EFHC2: variants seen among roughly 807,000 people sequenced by gnomAD.
EFHC2 encodes the protein EF-hand domain containing 2, also known as EF-hand domain-containing family member C2.
A neutral mutation model predicts 52.7 loss-of-function variants in EFHC2; 18 were observed. The ratio of observed to expected loss-of-function variants is 0.34; its 90% CI spans 0.24 to 0.51. The LOEUF is 0.51. Among genes scored for constraint, EFHC2 ranks in the 20% least tolerant of loss-of-function variants. EFHC2 has a pLI of 0.97. For missense variants in EFHC2, 513 were observed against 562.5 expected (o/e 0.91, Z 0.89); for synonymous variants, 203 against 204.1 (o/e 0.99, Z 0.04).
rs753553563 is a variant in EFHC2, at chrX:44,261,141, T to A, written c.540A>T (p.Lys180Asn). 8 of 1,209,911 alleles carry A rather than the reference T, an allele frequency of 6.6e-6. No individual in the cohort carries two copies. The highest frequency in any genetic ancestry group is 7.8e-6 in the Non-Finnish European group (7 of 895,158). ...CDAFTRNFLR[K>N]IGVKVNPPVQ... The stretch of plus-strand genomic sequence containing the variant: ...CTGGGGGATTCACTTTGACCCCTAT[T>A]TTCCTCAAAAAGTTTCTTGTGAATG... Residue 180 changes from lysine to asparagine, a missense_variant, in exon 4 of 15, where the codon AAA (lysine) becomes AAT (asparagine). Coordinates refer to ENST00000420999, the MANE Select transcript of EFHC2 (RefSeq NM_025184.4).
chrX:44,296,911 T>G (rs2037829731), intron 2 of EFHC2, among the ~76,000 whole-genome samples: 1 of 111,944 alleles, frequency 8.9e-6, no homozygotes, highest in African/African-American at 3.2e-5. Context: ...ATCTCCAAAT[T>G]TATTCTTCTG....
At chrX:44,258,714 G>C (rs7057510) in intron 4 of EFHC2, among the ~76,000 whole-genome samples, 14,418 of 109,628 alleles carry the variant, frequency 0.13, 951 homozygotes, top group Admixed American at 0.25. Context: ...AAAATTAGCC[G>C]GGTGTGGTGG....
chrX:44,172,215 GA>G (rs1275346024), intron 13 of EFHC2, among the ~76,000 whole-genome samples: 1 of 112,109 alleles, frequency 8.9e-6, no homozygotes, highest in Non-Finnish European at 1.9e-5. Flanking sequence ...AGCTGCTGGG[GA>G]AAGAGTTGCA....
At chrX:44,330,592 C>G (rs186054491) in intron 1 of EFHC2, among the ~76,000 whole-genome samples, 95 of 111,576 alleles carry the variant, frequency 8.5e-4, no homozygotes, top group African/African-American at 2.8e-3. Flanking sequence ...GTCACTTGAA[C>G]CTGGGAGGCA....
chrX:44,162,758 C>A, intron 14 of EFHC2, among the ~76,000 whole-genome samples: 1 of 110,473 alleles, frequency 9.1e-6, no homozygotes, highest in Non-Finnish European at 1.9e-5. Flanking sequence ...CCTGAAAATA[C>A]TTCCTGTTCC....
chrX:44,151,312 T>C (rs1385026516), intron 14 of EFHC2, among the ~76,000 whole-genome samples: 1 of 112,022 alleles, frequency 8.9e-6, no homozygotes, highest in Admixed American at 9.5e-5. Flanking sequence ...CAGTGTCTGT[T>C]ATTAGTTTCC....
At chrX:44,326,717 A>ATTTT (rs773265380) in intron 1 of EFHC2, among the ~76,000 whole-genome samples, 3 of 45,053 alleles carry the variant, frequency 6.7e-5, no homozygotes, top group Admixed American at 3.2e-4. Flanking sequence ...ATGGAGTCTG[A>ATTTT]TTTTTTTTTT....
At chrX:44,270,279 T>C (rs756827185) in intron 3 of EFHC2, among the ~76,000 whole-genome samples, 2 of 111,822 alleles carry the variant, frequency 1.8e-5, no homozygotes, top group African/African-American at 6.5e-5. Context: ...AATGAAGCCA[T>C]GCTCTAAGAA....
At chrX:44,302,843 G>T (rs1419713153) in intron 2 of EFHC2, among the ~76,000 whole-genome samples, 1 of 111,761 alleles carries the variant, frequency 8.9e-6, no homozygotes, top group Non-Finnish European at 1.9e-5. Context: ...GAAATTTCGG[G>T]TATGGTTTAA....
intron 13 of EFHC2, among the ~76,000 whole-genome samples, chrX:44,175,008 T>G (rs761706565): frequency 9.0e-6 from 1 of 111,727 alleles, no homozygotes; most frequent in East Asian, 2.8e-4. Flanking sequence ...GACATAGAAT[T>G]TGGCTTTATC....
At chrX:44,150,757 A>G (rs1258694166) in intron 14 of EFHC2, among the ~76,000 whole-genome samples, 1 of 111,475 alleles carries the variant, frequency 9.0e-6, no homozygotes, top group Non-Finnish European at 1.9e-5. Context: ...ATCAACTTGA[A>G]ATGGTGACAA....
intron 13 of EFHC2, among the ~76,000 whole-genome samples, chrX:44,170,924 A>G (rs1044813909): frequency 8.9e-6 from 1 of 112,617 alleles, no homozygotes; most frequent in African/African-American, 3.2e-5. Flanking sequence ...AAAGGGCAGC[A>G]CTAATTCTGG....
At chrX:44,243,578 T>C (rs1404923579) in intron 7 of EFHC2, among the ~76,000 whole-genome samples, 2 of 112,181 alleles carry the variant, frequency 1.8e-5, no homozygotes, top group Non-Finnish European at 3.8e-5. Flanking sequence ...CTAACTCTTG[T>C]TGAAAACATT....
intron 2 of EFHC2, among the ~76,000 whole-genome samples, chrX:44,273,377 A>T: frequency 8.9e-6 from 1 of 112,164 alleles, no homozygotes; most frequent in Middle Eastern, 4.6e-3. Context: ...AGCCTAGCCC[A>T]ATGCTAGACT....
chrX:44,172,158 C>T (rs1278905556), intron 13 of EFHC2, among the ~76,000 whole-genome samples: 1 of 112,184 alleles, frequency 8.9e-6, no homozygotes, highest in Non-Finnish European at 1.9e-5. Context: ...AGTTCTAAGG[C>T]ATTCCATGGA....
intron 4 of EFHC2, among the ~76,000 whole-genome samples, chrX:44,252,679 C>T (rs2037460379): frequency 8.9e-6 from 1 of 112,002 alleles, no homozygotes; most frequent in Non-Finnish European, 1.9e-5. Flanking sequence ...CTCCTAATTT[C>T]CCAAAGATTA....
At chrX:44,299,806 G>C (rs1191758891) in intron 2 of EFHC2, among the ~76,000 whole-genome samples, 1 of 111,656 alleles carries the variant, frequency 9.0e-6, no homozygotes, top group African/African-American at 3.3e-5. Flanking sequence ...GTTTTACCAT[G>C]TTGCAGAAGG....
chrX:44,149,703 G>A (rs780040475), intron 14 of EFHC2, among the ~76,000 whole-genome samples: 9 of 110,960 alleles, frequency 8.1e-5, no homozygotes, highest in South Asian at 3.8e-4. Flanking sequence ...TCTAGGAGAC[G>A]GGTTTCGCCA....
intron 11 of EFHC2, among the ~76,000 whole-genome samples, chrX:44,214,751 A>G (rs1354823258): frequency 8.9e-6 from 1 of 112,552 alleles, no homozygotes; most frequent in African/African-American, 3.2e-5. Flanking sequence ...CTATCATAAA[A>G]GTTTGTTCAA....
Sources: allele counts gnomAD v4.1 joint callset (sites outside exome capture counted in the v4.1 genomes callset), GRCh38; gene constraint gnomAD v4.1.1; transcripts MANE v1.5; gene names NCBI Gene and HGNC (gene_info 2026-07-23, HGNC 2026-07-21).